SDK1: variants seen among roughly 807,000 people sequenced by gnomAD.
SDK1 encodes the protein protein sidekick-1.
In SDK1, 157 loss-of-function variants were observed where a neutral mutation model predicts 245.5. That is an observed-to-expected ratio of 0.64 (90% CI 0.56 to 0.73). The LOEUF (loss-of-function observed/expected upper bound fraction) is 0.73. Among genes scored for constraint, SDK1 ranks in the 30% least tolerant of loss-of-function variants. The pLI is 0.00. For synonymous variants in SDK1, 1,647 were observed against 1,278.5 expected (o/e 1.29, Z -6.15); for missense variants, 3,583 against 3,002.3 (o/e 1.19, Z -4.52).
At chr7:3,811,773 G>A (rs991419408) in intron 4 of SDK1, among the ~76,000 whole-genome samples, 2 of 152,198 alleles carry the variant, frequency 1.3e-5, no homozygotes, top group Non-Finnish European at 2.9e-5. Flanking sequence ...AGCAGGGATG[G>A]CATTTCCTCC....
At chr7:3,758,099 G>C (rs952076775) in intron 4 of SDK1, among the ~76,000 whole-genome samples, 8 of 152,182 alleles carry the variant, frequency 5.3e-5, no homozygotes, top group African/African-American at 1.9e-4. Flanking sequence ...GCAGAGGGCA[G>C]TTAAGTTCCA....
intron 4 of SDK1, among the ~76,000 whole-genome samples, chr7:3,747,054 A>G (rs1446382375): frequency 6.6e-6 from 1 of 152,230 alleles, no homozygotes; most frequent in Non-Finnish European, 1.5e-5. Flanking sequence ...AGGCTGCAGA[A>G]TGGATGCTGT....
chr7:4,243,366 G>C, intron 43 of SDK1, among the ~76,000 whole-genome samples: 1 of 152,150 alleles, frequency 6.6e-6, no homozygotes, highest in Non-Finnish European at 1.5e-5. Context: ...CTTCCCTTAG[G>C]TTTTTAAATA....
rs899867277 is a variant in SDK1, at chr7:3,429,776, A to G, written c.298+127892A>G. On this transcript the variant is annotated intron_variant, in intron 1 of 44. Transcript: ENST00000404826. ...CATGTCTGGCTTTTTTTTTTTTTGT[A>G]GAGACAGGTCTCACTATGTTGCCCA... Among the ~76,000 whole-genome samples, 10 of 141,840 alleles carry G rather than the reference A, an allele frequency of 7.1e-5. No homozygotes were observed. The South Asian group carries it at 2.0e-3, about 28-fold the overall frequency. 93.1% of individuals were successfully genotyped at this position (141,840 alleles called of 152,430 possible).
chr7:4,073,421 C>T (rs1007377591), intron 20 of SDK1, among the ~76,000 whole-genome samples: 2 of 152,198 alleles, frequency 1.3e-5, no homozygotes, highest in African/African-American at 4.8e-5. Context: ...CATTTGAGCA[C>T]ACTATATTAT....
intron 32 of SDK1, among the ~76,000 whole-genome samples, chr7:4,163,470 G>C (rs759210509): frequency 6.6e-6 from 1 of 152,190 alleles, no homozygotes; most frequent in Non-Finnish European, 1.5e-5. Flanking sequence ...CCTGTGGAAA[G>C]TGGGGGCTGC....
intron 1 of SDK1, among the ~76,000 whole-genome samples, chr7:3,564,436 C>T (rs377242296): frequency 6.6e-6 from 1 of 151,878 alleles, no homozygotes. Context: ...TTGCAGTGAG[C>T]CGAGATTGCG....
intron 1 of SDK1, among the ~76,000 whole-genome samples, chr7:3,463,736 C>G (rs1780904399): frequency 6.6e-6 from 1 of 152,206 alleles, no homozygotes; most frequent in African/African-American, 2.4e-5. Flanking sequence ...CTCTGCTGGT[C>G]TCACTCCTTG....
At chr7:3,649,990 G>A (rs1782959370) in intron 4 of SDK1, among the ~76,000 whole-genome samples, 1 of 148,936 alleles carries the variant, frequency 6.7e-6, no homozygotes, top group Non-Finnish European at 1.5e-5. Context: ...GAAGTCTTTG[G>A]AAGAGGTTGC....
intron 20 of SDK1, among the ~76,000 whole-genome samples, chr7:4,073,038 G>A (rs896877310): frequency 6.6e-6 from 1 of 152,238 alleles, no homozygotes; most frequent in Admixed American, 6.5e-5. Flanking sequence ...CTCTTCTAGA[G>A]AATTTACTTT....
At chr7:4,112,837 T>A (rs1026819441) in intron 23 of SDK1, among the ~76,000 whole-genome samples, 2 of 151,794 alleles carry the variant, frequency 1.3e-5, no homozygotes, top group Non-Finnish European at 2.9e-5. Context: ...TCATGCAACC[T>A]CTGCTTCCCT....
chr7:3,860,280 T>C (rs1231259599), intron 5 of SDK1, among the ~76,000 whole-genome samples: 1 of 152,112 alleles, frequency 6.6e-6, no homozygotes, highest in Non-Finnish European at 1.5e-5. Flanking sequence ...AGAAAACATT[T>C]GCAACATAGT....
chr7:3,368,348 A>C (rs1781142278), intron 1 of SDK1, among the ~76,000 whole-genome samples: 1 of 152,186 alleles, frequency 6.6e-6, no homozygotes, highest in Non-Finnish European at 1.5e-5. Flanking sequence ...TGCTGTTAAA[A>C]CGAACACTTA....
At chr7:4,232,402 C>CTTTTTTTTTTTTTTTTTTTTTTTTTTTT (rs1234788967) in intron 40 of SDK1, among the ~76,000 whole-genome samples, 7 of 65,076 alleles carry the variant, frequency 1.1e-4, no homozygotes, top group African/African-American at 1.8e-4. Flanking sequence ...CTTTTCTTTT[C>CTTTTTTTTTTTTTTTTTTTTTTTTTTTT]TTTTCTTTCT....
At chr7:3,576,994 T>G (rs1423206098) in intron 1 of SDK1, among the ~76,000 whole-genome samples, 1 of 151,986 alleles carries the variant, frequency 6.6e-6, no homozygotes, top group African/African-American at 2.4e-5. Flanking sequence ...TGGATGGACT[T>G]CCATCATTTT....
At chr7:3,943,166 C>G (rs1432539888) in intron 5 of SDK1, among the ~76,000 whole-genome samples, 1 of 152,180 alleles carries the variant, frequency 6.6e-6, no homozygotes, top group Non-Finnish European at 1.5e-5. Context: ...GAAAATCCCA[C>G]TGCTTTAGGG....
intron 4 of SDK1, among the ~76,000 whole-genome samples, chr7:3,787,146 TCACACACACA>T (rs34838736): frequency 8.9e-4 from 123 of 137,744 alleles, no homozygotes; most frequent in African/African-American, 2.7e-3. Flanking sequence ...AGTATTGAAA[TCACACACACA>T]CACACACACA....
At chr7:3,908,392 C>T (rs1779034972) in intron 5 of SDK1, among the ~76,000 whole-genome samples, 1 of 152,198 alleles carries the variant, frequency 6.6e-6, no homozygotes, top group Admixed American at 6.5e-5. Flanking sequence ...CCACGAACCT[C>T]GTGTCCCGAC....
At position 3,671,788 on chromosome 7, in the gene SDK1, C is replaced by T. The variant is rs145665326; in HGVS notation, c.713+29683C>T. ...AATGAGATTAAAAAGAAATTAAGAG[C>T]AGGAAGTGAAATTATAACGCCAGTG... On this transcript the variant is annotated intron_variant, in intron 4 of 44. Transcript: ENST00000404826. 1.6e-3 allele frequency among the ~76,000 whole-genome samples: 245 copies of T among 152,258 alleles called. 2 individuals carry two copies. The highest frequency in any genetic ancestry group is 5.7e-3 in the African/African-American group (235 of 41,560).
Sources: gnomAD v4.1 joint callset for allele counts (sites outside exome capture counted in the v4.1 genomes callset) on GRCh38, gnomAD v4.1.1 for gene constraint, MANE v1.5 for transcripts, NCBI Gene and HGNC (gene_info 2026-07-23, HGNC 2026-07-21) for gene names.